The following RGS18 variants were observed in gnomAD, a reference collection of about 807,000 sequenced individuals.
RGS18 encodes regulator of G-protein signaling 18.
A neutral mutation model predicts 27.6 loss-of-function variants in RGS18; 22 were observed. The ratio of observed to expected loss-of-function variants is 0.80; its 90% CI spans 0.57 to 1.14. The LOEUF (loss-of-function observed/expected upper bound fraction) is 1.14, where lower values mean the gene tolerates loss of function less well. RGS18 is among the 50% of genes most tolerant of loss of function. The pLI, the probability that RGS18 is intolerant of heterozygous loss-of-function variation, is 0.00. For missense variants in RGS18, 299 were observed against 269.6 expected, an observed-to-expected ratio of 1.11 and a Z score of -0.76; for synonymous variants, 89 against 84.6, an observed-to-expected ratio of 1.05 and a Z score of -0.29.
intron 2 of RGS18, among the ~76,000 whole-genome samples, 178 bp downstream of exon 2, chr1:192,159,499 T>G (rs112851731): frequency 6.6e-6 from 1 of 152,198 alleles, no homozygotes; most frequent in Non-Finnish European, 1.5e-5. Context: ...TTGAATTAAA[T>G]CGCTTGAATT....
In RGS18 at chr1:192,185,331, G is replaced by T. The variant is rs79237493; in HGVS notation, c.*777G>T. On this transcript the variant is annotated 3_prime_UTR_variant, in exon 5 of 5. Transcript: ENST00000367460. ...GAACTAAGTAGACTACCTTATCACC[G>T]GCTAAGAAAACTTGCTACTAAACTA... is the stretch of plus-strand genomic sequence containing the variant. 6.6e-6 allele frequency: 1 copy of T among 151,484 alleles called. No homozygotes were observed. Among genetic ancestry groups the T allele is most frequent in the Non-Finnish European group, 1.5e-5 (1 of 67,670 alleles). The allele number at this position is 151,484 out of a possible 1,614,324, so 9.4% of individuals were successfully genotyped here.
chr1:192,169,427 G>T (rs995807411), intron 3 of RGS18: 1 of 152,082 alleles, frequency 6.6e-6, no homozygotes, highest in Non-Finnish European at 1.5e-5. Context: ...GAAACAGGTT[G>T]TTCTTTCCTT....
chr1:192,163,871 T>TA lies in RGS18; in HGVS notation c.283+3432_283+3433insA, dbSNP rs1656114720. 5.1e-3 allele frequency among the ~76,000 whole-genome samples: 351 copies of TA among 69,310 alleles called. 2 individuals are homozygous for TA. Among genetic ancestry groups the TA allele is most frequent in the African/African-American group, 9.7e-3 (311 of 31,968 alleles). The allele number at this position is 69,310 out of a possible 152,430, so 45.5% of individuals were successfully genotyped here. On this transcript the variant is annotated intron_variant, in intron 3 of 4. Transcript: ENST00000367460. ...TGTGTGTGTGAATATATATATATAT[T>TA]TTTTTTTTTTCTTTTTTTTAAAGAG... is the stretch of plus-strand genomic sequence containing the variant.
chr1:192,171,616 C>T (rs1374900942), intron 3 of RGS18, among the ~76,000 whole-genome samples: 1 of 152,084 alleles, frequency 6.6e-6, no homozygotes. Flanking sequence ...AGACCTATGT[C>T]ATCCTTTTCT....
intron 3 of RGS18, among the ~76,000 whole-genome samples, chr1:192,171,505 T>G (rs911692894): frequency 2.0e-5 from 3 of 152,088 alleles, no homozygotes; most frequent in Non-Finnish European, 4.4e-5. Flanking sequence ...ATGTAACTGC[T>G]AACATCCGTT....
In RGS18 at chr1:192,184,492, T is replaced by A; in HGVS notation, c.646T>A (p.Ser216Thr). ...GAGACCAACAAATCTTAGGAGACGA[T>A]CACGCTCATTTACCTGCAATGAATT... ...PQRPTNLRRR[S>T]RSFTCNEFQD... Residue 216 changes from serine (S) to threonine (T), a missense_variant, in exon 5 of 5, where the codon TCA becomes ACA. By Grantham distance (58) the Ser-to-Thr change is moderately conservative. Coordinates refer to ENST00000367460, the MANE Select transcript of RGS18 (RefSeq NM_130782.3). 1.2e-6 allele frequency: 2 copies of A among 1,611,598 alleles called. No individual in the cohort carries two copies. Among genetic ancestry groups the A allele is most frequent in the Non-Finnish European group, 1.7e-6 (2 of 1,178,404 alleles).
intron 1 of RGS18, 85 bp downstream of exon 1, chr1:192,158,841 A>G (rs1468216543): frequency 2.1e-6 from 2 of 942,850 alleles, no homozygotes; most frequent in East Asian, 5.2e-5. Context: ...TTTTTGAACT[A>G]TTGGGTGGAA....
intron 3 of RGS18, among the ~76,000 whole-genome samples, chr1:192,177,784 G>C (rs993203274): frequency 6.6e-6 from 1 of 151,760 alleles, no homozygotes; most frequent in Non-Finnish European, 1.5e-5. Context: ...AGAGATTCAG[G>C]AACATGGCAC....
intron 3 of RGS18, among the ~76,000 whole-genome samples, chr1:192,180,124 A>G (rs562354148): frequency 1.3e-5 from 2 of 151,742 alleles, no homozygotes; most frequent in South Asian, 4.1e-4. Context: ...TTGAAGTCAC[A>G]TTGTCTTAAG....
At chr1:192,159,578 T>A (rs567664316) in intron 2 of RGS18, among the ~76,000 whole-genome samples, 1 of 152,330 alleles carries the variant, frequency 6.6e-6, no homozygotes, top group South Asian at 2.1e-4. Context: ...AATGACATGT[T>A]TTACTCCTTA....
At chr1:192,183,971 G>T (rs939394181) in intron 4 of RGS18, among the ~76,000 whole-genome samples, 1 of 151,584 alleles carries the variant, frequency 6.6e-6, no homozygotes, top group Non-Finnish European at 1.5e-5. Flanking sequence ...GCTCAAAAGA[G>T]AGAGACAGAG....
rs376472982 is a variant in RGS18, at chr1:192,159,234, G to T, written c.134G>T (p.Arg45Ile). ...TTTTATTACAGAGCTAAGGAAAAAA[G>T]AAATAGACTAAGTCTTCTTGTGCAG... ...KEAKIRAKEKRNRLSLLVQKP... is the reference protein window; with the variant it reads ...KEAKIRAKEKINRLSLLVQKP... The change falls in exon 2 of 5, where the codon AGA (arginine) becomes ATA (isoleucine). Residue 45 changes from arginine to isoleucine, a missense_variant. Transcript: ENST00000367460. The T allele has an allele frequency of 6.2e-6, 10 of 1,612,564 alleles. No individual in the cohort carries two copies. The African/African-American group carries it at 1.1e-4, about 17-fold the overall frequency.
At position 192,184,627 on chromosome 1, in the gene RGS18, G is replaced by C. The variant is rs956793340; in HGVS notation, c.*73G>C. 1 of 1,415,238 alleles carries C rather than the reference G, an allele frequency of 7.1e-7. No homozygotes were observed. The highest frequency in any genetic ancestry group is 1.4e-5 in the African/African-American group (1 of 69,518). The allele number at this position is 1,415,238 out of a possible 1,614,324, so 87.7% of individuals were successfully genotyped here. On this transcript the variant is annotated 3_prime_UTR_variant, in exon 5 of 5. Coordinates refer to ENST00000367460, the MANE Select transcript of RGS18 (RefSeq NM_130782.3). ...CTAACATATCGCATGTTTATGTTAA[G>C]ATTTGGTCCCATCCTTTAAACTGAA...
intron 3 of RGS18, among the ~76,000 whole-genome samples, chr1:192,171,613 T>C (rs909766077): frequency 6.6e-6 from 1 of 152,098 alleles, no homozygotes; most frequent in Non-Finnish European, 1.5e-5. Context: ...AAGAGACCTA[T>C]GTCATCCTTT....
In RGS18 at chr1:192,184,542, C is replaced by A; in HGVS notation, c.696C>A (p.Ala232=). 6.2e-7 allele frequency: 1 copy of A among 1,610,346 alleles called. No individual in the cohort carries two copies. The highest frequency in any genetic ancestry group is 1.1e-5 in the South Asian group (1 of 90,902). The change falls in exon 5 of 5, where the codon GCC becomes GCA. Residue 232 remains alanine, a synonymous_variant. Coordinates refer to ENST00000367460, the MANE Select transcript of RGS18 (RefSeq NM_130782.3). Reference sequence around the variant, plus strand: ...TCCAAGATGTACAATCAGATGTTGCCATTTGGTTATAAAGAAAATTGATTT... The same window carrying A: ...TCCAAGATGTACAATCAGATGTTGCAATTTGGTTATAAAGAAAATTGATTT... ...NEFQDVQSDV[A]IWL is the part of the protein sequence containing the mutation.
intron 3 of RGS18, among the ~76,000 whole-genome samples, chr1:192,172,864 C>CATATATATAT (rs549568195): frequency 0.076 from 10,272 of 135,220 alleles, 530 homozygotes; most frequent in Non-Finnish European, 0.11. Flanking sequence ...GAAAAATATG[C>CATATATATAT]ATATATATAT....
chr1:192,160,135 ACT>A (rs1656044745), intron 2 of RGS18, among the ~76,000 whole-genome samples: 1 of 152,154 alleles, frequency 6.6e-6, no homozygotes, highest in Non-Finnish European at 1.5e-5. Context: ...AAAAAATAAA[ACT>A]CACATATCCA....
chr1:192,177,512 G>A (rs1016503446), intron 3 of RGS18, among the ~76,000 whole-genome samples: 1 of 151,452 alleles, frequency 6.6e-6, no homozygotes, highest in Non-Finnish European at 1.5e-5. Context: ...AAGGGTCTTC[G>A]TCTTATATAT....
chr1:192,168,071 C>T (rs911736315), intron 3 of RGS18: 2 of 152,246 alleles, frequency 1.3e-5, no homozygotes, highest in African/African-American at 4.8e-5. Context: ...GAATTCTAAT[C>T]CCAGGTTCTA....
Sources: gnomAD v4.1 joint callset for allele counts (sites outside exome capture counted in the v4.1 genomes callset) on GRCh38, gnomAD v4.1.1 for gene constraint, MANE v1.5 for transcripts, NCBI Gene and HGNC (gene_info 2026-07-23, HGNC 2026-07-21) for gene names.